Variants in MYO9B observed in about 807,000 individuals in gnomAD.
The protein encoded by MYO9B is myosin IXB, also known as unconventional myosin-IXb.
MYO9B carries 71 observed loss-of-function variants against 229.5 expected under a neutral mutation model. That is an observed-to-expected ratio of 0.31 (90% CI 0.26 to 0.38). The LOEUF is 0.38. MYO9B is among the 10% of genes least tolerant of loss of function. MYO9B has a pLI of 1.00. For missense variants in MYO9B, 2,255 were observed against 2,920.5 expected (o/e 0.77, Z 5.25); for synonymous variants, 1,185 against 1,235.8 (o/e 0.96, Z 0.86).
chr19:17,077,154 G>A (rs1394795740), intron 1 of MYO9B, among the ~76,000 whole-genome samples: 1 of 152,228 alleles, frequency 6.6e-6, no homozygotes, highest in Non-Finnish European at 1.5e-5. Flanking sequence ...ACATCTGACA[G>A]GCCTGGCTCT....
At chr19:17,090,819 C>T (rs769669562) in intron 1 of MYO9B, among the ~76,000 whole-genome samples, 37 of 152,140 alleles carry the variant, frequency 2.4e-4, no homozygotes, top group African/African-American at 2.4e-4. Context: ...AACCCGAGGT[C>T]GCCACTTGGC....
chr19:17,149,751 T>G (rs2072456442), intron 3 of MYO9B, among the ~76,000 whole-genome samples: 2 of 152,324 alleles, frequency 1.3e-5, no homozygotes, highest in South Asian at 4.1e-4. Flanking sequence ...GCTTCCTGTG[T>G]GTTCAAGGAC....
intron 10 of MYO9B, among the ~76,000 whole-genome samples, chr19:17,165,580 A>G (rs1490163362): frequency 6.6e-6 from 1 of 151,994 alleles, no homozygotes; most frequent in East Asian, 1.9e-4. Context: ...GTCTCTAAAA[A>G]AAAAAAATTT....
intron 2 of MYO9B, among the ~76,000 whole-genome samples, chr19:17,115,248 G>A (rs2057890145): frequency 1.3e-5 from 2 of 151,990 alleles, no homozygotes; most frequent in South Asian, 4.2e-4. Context: ...AGTTTTATTG[G>A]TGCATAACCA....
intron 30 of MYO9B, among the ~76,000 whole-genome samples, chr19:17,203,620 A>G (rs1237811113): frequency 1.3e-5 from 2 of 151,592 alleles, no homozygotes; most frequent in Non-Finnish European, 2.9e-5. Context: ...CTCAAAAAAA[A>G]AAAAAAAAAG....
chr19:17,095,672 A>G (rs2057680642), intron 1 of MYO9B: 1 of 152,246 alleles, frequency 6.6e-6, no homozygotes, highest in African/African-American at 2.4e-5. Flanking sequence ...ATTGGTGTAC[A>G]AGGAATTGAG....
chr19:17,077,100 T>C (rs2057492348), intron 1 of MYO9B, among the ~76,000 whole-genome samples: 1 of 152,196 alleles, frequency 6.6e-6, no homozygotes, highest in South Asian at 2.1e-4. Flanking sequence ...TCTTAAGGTG[T>C]CCAGGAGCAG....
chr19:17,200,179 T>C, intron 24 of MYO9B, 114 bp from the exon 25 acceptor site: 2 of 1,342,936 alleles, frequency 1.5e-6, no homozygotes, highest in Non-Finnish European at 2.0e-6. Context: ...GGCCAGATCC[T>C]TTTTTGAGTC....
chr19:17,082,224 A>G (rs1165022091), intron 1 of MYO9B, among the ~76,000 whole-genome samples: 1 of 152,200 alleles, frequency 6.6e-6, no homozygotes, highest in African/African-American at 2.4e-5. Flanking sequence ...AGTCACGAGC[A>G]TGGAAGTCAA....
At chr19:17,103,979 C>T (rs986470441) in intron 2 of MYO9B, among the ~76,000 whole-genome samples, 1 of 151,658 alleles carries the variant, frequency 6.6e-6, no homozygotes, top group Admixed American at 6.6e-5. Flanking sequence ...TCGCTTGAAC[C>T]CGGTAGGTGG....
rs377717562 is a variant in MYO9B, at chr19:17,205,998, C to T, written c.5103C>T (p.Cys1701=). The T allele has an allele frequency of 2.7e-5, 43 of 1,597,906 alleles. No individual in the cohort carries two copies. Among genetic ancestry groups the T allele is most frequent in the East Asian group, 2.7e-4 (12 of 44,630 alleles). ...PGVEPGHFGV[C]VDSLTSDKAS... The stretch of plus-strand genomic sequence containing the variant: ...TTGAGCCTGGCCACTTCGGCGTGTG[C>T]GTAGACAGCCTGACCAGCGACAAGG... The change falls in exon 32 of 40, where the codon TGC becomes TGT. Residue 1701 remains cysteine, a synonymous_variant. Coordinates refer to ENST00000682292, the MANE Select transcript of MYO9B (RefSeq NM_004145.4).
At chr19:17,082,510 C>G (rs1303487374) in intron 1 of MYO9B, among the ~76,000 whole-genome samples, 1 of 152,082 alleles carries the variant, frequency 6.6e-6, no homozygotes, top group Non-Finnish European at 1.5e-5. Flanking sequence ...TCTGCCACCT[C>G]CTGCATCCCA....
chr19:17,189,840 G>T (rs936996198), intron 19 of MYO9B, among the ~76,000 whole-genome samples: 1 of 151,894 alleles, frequency 6.6e-6, no homozygotes, highest in Non-Finnish European at 1.5e-5. Context: ...GAGGCGGGCG[G>T]ATCACGAGGT....
chr19:17,118,840 A>C (rs1040854666), intron 2 of MYO9B, among the ~76,000 whole-genome samples: 1 of 151,650 alleles, frequency 6.6e-6, no homozygotes, highest in Non-Finnish European at 1.5e-5. Context: ...GTGTGGAGGG[A>C]GCTGTTTGTG....
At chr19:17,152,563 CAAAAA>C in intron 3 of MYO9B, 76 bp from the exon 4 acceptor site, 1 of 915,424 alleles carries the variant, frequency 1.1e-6, no homozygotes. Flanking sequence ...ACTCCCATCT[CAAAAA>C]AAAAAAAAAC....
chr19:17,179,026 G>A (rs1272023539), intron 14 of MYO9B, among the ~76,000 whole-genome samples: 2 of 120,202 alleles, frequency 1.7e-5, no homozygotes, highest in African/African-American at 6.9e-5. Context: ...GCAAGACTCT[G>A]TAAAAAAAAA....
chr19:17,201,202 C>T (rs979750552), intron 26 of MYO9B, among the ~76,000 whole-genome samples: 1 of 152,194 alleles, frequency 6.6e-6, no homozygotes, highest in African/African-American at 2.4e-5. Flanking sequence ...CACTGCACTC[C>T]AGCCTGGGTG....
chr19:17,182,185 T>C (rs1044291359), intron 15 of MYO9B, among the ~76,000 whole-genome samples: 2 of 151,394 alleles, frequency 1.3e-5, no homozygotes, highest in Non-Finnish European at 2.9e-5. Context: ...GCTCAAGCAA[T>C]CCTCCTGCCT....
chr19:17,201,637 CAG>C (rs753864672), intron 26 of MYO9B, among the ~76,000 whole-genome samples: 1 of 152,034 alleles, frequency 6.6e-6, no homozygotes, highest in Non-Finnish European at 1.5e-5. Context: ...ATCACAGCCT[CAG>C]GGGAGGGCGC....
Sources: allele counts gnomAD v4.1 joint callset (sites outside exome capture counted in the v4.1 genomes callset), GRCh38; gene constraint gnomAD v4.1.1; transcripts MANE v1.5; gene names NCBI Gene and HGNC (gene_info 2026-07-23, HGNC 2026-07-21).